Variants in BCAS3 observed in about 807,000 individuals in gnomAD.
The protein encoded by BCAS3 is BCAS4/BCAS3 fusion.
Under a neutral mutation model 116.1 loss-of-function variants are expected in BCAS3, and 53 were observed. The observed-to-expected ratio is 0.46, with a 90% CI of 0.37 to 0.57. The LOEUF is 0.57. Ranked by LOEUF, BCAS3 falls within the 20% of genes least tolerant of loss-of-function variation. BCAS3 has a pLI of 0.00. For synonymous variants in BCAS3, 391 were observed against 408.2 expected, an observed-to-expected ratio of 0.96 and a Z score of 0.51; for missense variants, 917 against 1,165.4, an observed-to-expected ratio of 0.79 and a Z score of 3.10.
chr17:61,267,602 T>G (rs2049845996), intron 22 of BCAS3, among the ~76,000 whole-genome samples: 1 of 147,244 alleles, frequency 6.8e-6, no homozygotes, highest in African/African-American at 2.5e-5. Flanking sequence ...CTGGGCATGG[T>G]GATGTGTGCC....
intron 22 of BCAS3, among the ~76,000 whole-genome samples, chr17:61,179,213 TTG>T (rs1263345858): frequency 6.6e-6 from 1 of 152,142 alleles, no homozygotes; most frequent in Non-Finnish European, 1.5e-5. Context: ...AATTGAATTT[TTG>T]TTTTTGTTCT....
intron 5 of BCAS3, among the ~76,000 whole-genome samples, chr17:60,728,026 C>G (rs1001926274): frequency 7.9e-5 from 12 of 152,010 alleles, no homozygotes; most frequent in Non-Finnish European, 1.8e-4. Context: ...CCAGGCTGTT[C>G]TGGAACTCCT....
chr17:60,849,194 G>A (rs2052820335), intron 7 of BCAS3, among the ~76,000 whole-genome samples: 1 of 152,086 alleles, frequency 6.6e-6, no homozygotes, highest in Non-Finnish European at 1.5e-5. Context: ...GCTAAAAACT[G>A]TCAGAGAAGG....
intron 22 of BCAS3, among the ~76,000 whole-genome samples, chr17:61,160,857 G>T (rs112435893): frequency 2.0e-5 from 3 of 152,076 alleles, no homozygotes; most frequent in Non-Finnish European, 2.9e-5. Context: ...ATGCAGGGAG[G>T]GGGTGTCAGG....
At chr17:61,254,118 G>C (rs1489265409) in intron 22 of BCAS3, among the ~76,000 whole-genome samples, 1 of 152,160 alleles carries the variant, frequency 6.6e-6, no homozygotes, top group Non-Finnish European at 1.5e-5. Flanking sequence ...AAAAACTCAA[G>C]AGAGCCGGCC....
chr17:61,338,966 A>T (rs1429929714), intron 22 of BCAS3, among the ~76,000 whole-genome samples: 2 of 148,444 alleles, frequency 1.3e-5, no homozygotes, highest in African/African-American at 2.5e-5. Context: ...CTCCCCCTTC[A>T]TGGCAGTCAA....
chr17:60,864,025 G>A (rs2054383403), intron 7 of BCAS3, among the ~76,000 whole-genome samples: 1 of 152,202 alleles, frequency 6.6e-6, no homozygotes, highest in African/African-American at 2.4e-5. Context: ...TGGAATTGGA[G>A]AAGTGGGAAC....
intron 22 of BCAS3, chr17:61,086,974 A>G (rs976523877): frequency 3.0e-6 from 3 of 985,424 alleles, no homozygotes; most frequent in Non-Finnish European, 2.4e-6. Context: ...ATTACTTTCT[A>G]CATCTGTGGA....
rs1375325498 is a variant in BCAS3, at chr17:61,217,853, G to C, written c.2425+133289G>C. On this transcript the variant is annotated intron_variant, in intron 22 of 23. Transcript: ENST00000407086. The surrounding 1 kb of genome is among the most constrained non-coding windows in gnomAD (Gnocchi z 5.2). ...GCCAAGCACAAAATAAACTAGAAAA[G>C]CGTCGGACTTCTCTGTAACAACAGT... is the stretch of plus-strand genomic sequence containing the variant. 3.9e-5 allele frequency among the ~76,000 whole-genome samples: 6 copies of C among 152,086 alleles called. No homozygotes were observed. Among genetic ancestry groups the C allele is most frequent in the Non-Finnish European group, 8.8e-5 (6 of 68,026 alleles).
At chr17:61,042,271 C>T (rs1366290625) in intron 19 of BCAS3, among the ~76,000 whole-genome samples, 2 of 151,996 alleles carry the variant, frequency 1.3e-5, no homozygotes, top group Non-Finnish European at 2.9e-5. Flanking sequence ...TTGACTCTTT[C>T]AGAGTTAATA....
Position 61,128,225 on chromosome 17 carries a change from A to T in BCAS3, c.2425+43661A>T. The T allele has an allele frequency of 1.0e-6, 1 of 985,430 alleles. No homozygotes were observed. Among genetic ancestry groups the T allele is most frequent in the South Asian group, 4.7e-5 (1 of 21,288 alleles). 61.0% of individuals were successfully genotyped at this position (985,430 alleles called of 1,614,324 possible). ...GTGAGTCAAGGATGAGTACATGAAG[A>T]TGAAGCCCATGCAATGAGGACAGCC... On this transcript the variant is annotated intron_variant, in intron 22 of 23. Transcript: ENST00000407086. The surrounding 1 kb of genome is among the most constrained non-coding windows in gnomAD (Gnocchi z 4.1).
At chr17:60,843,946 C>T (rs769311444) in intron 7 of BCAS3, among the ~76,000 whole-genome samples, 3 of 152,100 alleles carry the variant, frequency 2.0e-5, no homozygotes, top group Non-Finnish European at 4.4e-5. Context: ...GCTCATAGTG[C>T]CTGGCACAAA....
intron 22 of BCAS3, among the ~76,000 whole-genome samples, chr17:61,175,796 A>T (rs1177060668): frequency 6.6e-6 from 1 of 152,208 alleles, no homozygotes; most frequent in Non-Finnish European, 1.5e-5. Context: ...AAATATAAAA[A>T]GCTCAGAACT....
rs909154469 is a variant in BCAS3 at position 61,348,637 on chromosome 17, A to C, written c.2426-19690A>C. 1.3e-5 allele frequency among the ~76,000 whole-genome samples: 2 copies of C among 152,084 alleles called. No homozygotes were observed. Among genetic ancestry groups the C allele is most frequent in the Non-Finnish European group, 1.5e-5 (1 of 68,024 alleles). ...GGGAGTAGTCAGCAATTTCCCAATG[A>C]AGTCAACTTGCTTTATAGAGTCTGG... On this transcript the variant is annotated intron_variant, in intron 22 of 23. Coordinates refer to ENST00000407086, the MANE Select transcript of BCAS3 (RefSeq NM_017679.5). The surrounding 1 kb of genome is among the most constrained non-coding windows in gnomAD (Gnocchi z 4.5).
chr17:61,027,867 T>C (rs756898673), intron 16 of BCAS3, among the ~76,000 whole-genome samples: 1 of 151,956 alleles, frequency 6.6e-6, no homozygotes, highest in Non-Finnish European at 1.5e-5. Flanking sequence ...TGTTAGCTGC[T>C]ACCACTGTTT....
intron 22 of BCAS3, among the ~76,000 whole-genome samples, chr17:61,237,252 T>C (rs12951899): frequency 0.26 from 39,850 of 151,966 alleles, 5,571 homozygotes; most frequent in Middle Eastern, 0.34. Context: ...AGCAAAGGAT[T>C]GTAAAATGCA....
At chr17:61,296,275 C>A (rs1380489750) in intron 22 of BCAS3, among the ~76,000 whole-genome samples, 1 of 152,092 alleles carries the variant, frequency 6.6e-6, no homozygotes, top group African/African-American at 2.4e-5. Flanking sequence ...TTGAGTTAGC[C>A]CTAATGACAA....
In BCAS3 at chr17:61,055,048, G is replaced by A. The variant is rs376070553; in HGVS notation, c.2029+14156G>A. Reference sequence around the variant, plus strand: ...CATACAGATACTGATATCCCTCAATGTGTGGTTTTATGATTGGGTAGTGGG... The same window carrying A: ...CATACAGATACTGATATCCCTCAATATGTGGTTTTATGATTGGGTAGTGGG... On this transcript the variant is annotated intron_variant, in intron 19 of 23. Transcript: ENST00000407086. Among the ~76,000 whole-genome samples, 9 of 152,200 alleles carry A rather than the reference G, an allele frequency of 5.9e-5. No homozygotes were observed. In the East Asian group the frequency reaches 1.2e-3, roughly 20 times the overall value.
chr17:60,743,266 A>C (rs1457386256), intron 5 of BCAS3, among the ~76,000 whole-genome samples: 2 of 152,158 alleles, frequency 1.3e-5, no homozygotes, highest in African/African-American at 4.8e-5. Context: ...TATTGTGGGA[A>C]CCCATTTACA....
Sources: gnomAD v4.1 joint callset for allele counts (sites outside exome capture counted in the v4.1 genomes callset) on GRCh38, gnomAD v4.1.1 for gene constraint, Gnocchi (gnomAD v3.1) non-coding constraint, MANE v1.5 for transcripts, NCBI Gene and HGNC (gene_info 2026-07-23, HGNC 2026-07-21) for gene names.